The following PDS5B variants were observed in gnomAD, a reference collection of about 807,000 sequenced individuals.
The protein encoded by PDS5B is sister chromatid cohesion protein PDS5 homolog B.
A neutral mutation model predicts 184.1 loss-of-function variants in PDS5B; 51 were observed. The observed-to-expected ratio is 0.28, with a 90% confidence interval of 0.22 to 0.35. PDS5B has a LOEUF of 0.35. Among genes scored for constraint, PDS5B ranks in the 10% least tolerant of loss-of-function variants. The pLI, the probability that PDS5B is intolerant of heterozygous loss-of-function variation, is 1.00. For synonymous variants in PDS5B, 566 were observed against 569.2 expected (o/e 0.99, Z 0.08); for missense variants, 1,180 against 1,723.3 (o/e 0.68, Z 5.58).
intron 19 of PDS5B, among the ~76,000 whole-genome samples, chr13:32,731,456 T>C (rs754588195): frequency 6.6e-6 from 1 of 152,126 alleles, no homozygotes; most frequent in Non-Finnish European, 1.5e-5. Context: ...CTGTTTAAAA[T>C]TGTAATTCTC....
chr13:32,724,876 G>T (rs531253603), intron 19 of PDS5B, among the ~76,000 whole-genome samples: 1 of 152,248 alleles, frequency 6.6e-6, no homozygotes, highest in African/African-American at 2.4e-5. Flanking sequence ...CACTGTGCCT[G>T]GCCATATTTC....
intron 1 of PDS5B, among the ~76,000 whole-genome samples, chr13:32,614,247 T>G (rs556380900): frequency 7.9e-5 from 12 of 152,228 alleles, no homozygotes; most frequent in Admixed American, 2.0e-4. Flanking sequence ...AGGATGAGCT[T>G]ATCCGTTTCA....
chr13:32,685,809 A>G (rs950139801), intron 11 of PDS5B, among the ~76,000 whole-genome samples: 17 of 148,806 alleles, frequency 1.1e-4, no homozygotes, highest in African/African-American at 3.2e-4. Context: ...TGCCTGGCCA[A>G]TTTTTTTTTT....
At chr13:32,657,377 T>C (rs1164736438) in intron 3 of PDS5B, among the ~76,000 whole-genome samples, 1 of 152,206 alleles carries the variant, frequency 6.6e-6, no homozygotes, top group Non-Finnish European at 1.5e-5. Context: ...GAAATTAGAA[T>C]AGCAACCCCT....
At chr13:32,764,273 T>C (rs567510505) in intron 30 of PDS5B, among the ~76,000 whole-genome samples, 11 of 152,272 alleles carry the variant, frequency 7.2e-5, no homozygotes, top group African/African-American at 2.6e-4. Flanking sequence ...AGAAAAATAT[T>C]AGATTTAAAT....
At chr13:32,735,931 A>G (rs534233244) in intron 21 of PDS5B, among the ~76,000 whole-genome samples, 1 of 152,074 alleles carries the variant, frequency 6.6e-6, no homozygotes. Flanking sequence ...TTGTCCTGTC[A>G]GTTGTGTATT....
intron 24 of PDS5B, 24 bp from the exon 25 acceptor site, chr13:32,753,308 T>G: frequency 6.3e-7 from 1 of 1,579,616 alleles, no homozygotes; most frequent in Non-Finnish European, 8.7e-7. Flanking sequence ...TTGAATAATA[T>G]CTGGAATAAT....
At chr13:32,590,765 A>G (rs1393286432) in intron 1 of PDS5B, among the ~76,000 whole-genome samples, 3 of 152,104 alleles carry the variant, frequency 2.0e-5, no homozygotes, top group Non-Finnish European at 4.4e-5. Context: ...CTGAAGTTCT[A>G]CCAGGTAGTT....
At chr13:32,699,903 C>T (rs1951817944) in intron 16 of PDS5B, 34 bp downstream of exon 16, 7 of 1,508,146 alleles carry the variant, frequency 4.6e-6, no homozygotes, top group Non-Finnish European at 3.5e-6. Flanking sequence ...TTTGAAAAAG[C>T]CCCCAAATCT....
chr13:32,735,338 A>G lies in PDS5B; in HGVS notation c.2406+8A>G, dbSNP rs767758739. On this transcript the variant is annotated splice_region_variant and intron_variant, in intron 21 of 34. Transcript: ENST00000315596. ...CTTCTCATGAATGATCGGGTAATTT[A>G]TATTTTTTAGATTCATGTTCTTTGT... 2.5e-6 allele frequency: 4 copies of G among 1,590,480 alleles called. No homozygotes were observed. The highest frequency in any genetic ancestry group is 3.4e-6 in the Non-Finnish European group (4 of 1,165,886).
chr13:32,720,277 ATTAG>A (rs1442129632), intron 19 of PDS5B, among the ~76,000 whole-genome samples: 4 of 152,198 alleles, frequency 2.6e-5, no homozygotes, highest in Admixed American at 2.0e-4. Flanking sequence ...TGCAACCAGT[ATTAG>A]TTAGCATTCC....
intron 1 of PDS5B, among the ~76,000 whole-genome samples, chr13:32,629,075 A>C (rs2058416073): frequency 6.6e-6 from 1 of 152,082 alleles, no homozygotes; most frequent in Non-Finnish European, 1.5e-5. Context: ...CGGTTTTCAA[A>C]TTTTTCTCTG....
intron 13 of PDS5B, among the ~76,000 whole-genome samples, chr13:32,693,600 A>T (rs1227513760): frequency 1.3e-5 from 2 of 151,088 alleles, no homozygotes; most frequent in Admixed American, 6.6e-5. Flanking sequence ...TTCCTTAAAA[A>T]TTTTTAATTG....
intron 10 of PDS5B, among the ~76,000 whole-genome samples, chr13:32,681,209 TAGA>T (rs1951229660): frequency 6.6e-6 from 1 of 152,216 alleles, no homozygotes; most frequent in East Asian, 1.9e-4. Flanking sequence ...TCTCATTCTA[TAGA>T]AGATTCTTTC....
At chr13:32,678,081 G>A (rs1397235655) in intron 9 of PDS5B, among the ~76,000 whole-genome samples, 1 of 151,966 alleles carries the variant, frequency 6.6e-6, no homozygotes, top group Non-Finnish European at 1.5e-5. Context: ...GGATTTAGAA[G>A]AGAGAGGAGC....
At chr13:32,765,750 T>C (rs1230744915) in intron 31 of PDS5B, among the ~76,000 whole-genome samples, 1 of 152,172 alleles carries the variant, frequency 6.6e-6, no homozygotes, top group African/African-American at 2.4e-5. Context: ...ACCACAGGCA[T>C]GTGCCAGCAT....
intron 3 of PDS5B, chr13:32,652,230 T>A (rs1037007124): frequency 9.6e-6 from 4 of 416,194 alleles, no homozygotes; most frequent in Admixed American, 4.0e-5. Flanking sequence ...GTATTTTTTT[T>A]ATATCATGTC....
intron 16 of PDS5B, 74 bp from the exon 17 acceptor site, chr13:32,701,249 G>T: frequency 7.9e-6 from 6 of 762,116 alleles, no homozygotes; most frequent in East Asian, 2.6e-5. Flanking sequence ...TTTAATTATT[G>T]TTGGTTCTTA....
At chr13:32,764,192 T>G (rs960968911) in intron 30 of PDS5B, among the ~76,000 whole-genome samples, 1 of 152,102 alleles carries the variant, frequency 6.6e-6, no homozygotes, top group African/African-American at 2.4e-5. Context: ...CAAGCTAAAC[T>G]GCCAACGAGA....
Sources: allele counts gnomAD v4.1 joint callset (sites outside exome capture counted in the v4.1 genomes callset), GRCh38; gene constraint gnomAD v4.1.1; transcripts MANE v1.5; gene names NCBI Gene and HGNC (gene_info 2026-07-23, HGNC 2026-07-21).